Variants in PPM1H observed in about 807,000 individuals in gnomAD.
PPM1H encodes the protein protein phosphatase, Mg2+/Mn2+ dependent 1H.
Under a neutral mutation model 54.9 loss-of-function variants are expected in PPM1H, and 27 were observed. The observed-to-expected ratio is 0.49, with a 90% CI of 0.36 to 0.68. The LOEUF (loss-of-function observed/expected upper bound fraction) is 0.68. Among genes scored for constraint, PPM1H ranks in the 30% least tolerant of loss-of-function variants. PPM1H has a pLI of 0.00. For missense variants in PPM1H, 596 were observed against 667.8 expected (o/e 0.89, Z 1.19); for synonymous variants, 305 against 270.8 (o/e 1.13, Z -1.24).
chr12:62,894,647 T>C lies in PPM1H; in HGVS notation c.245+39845A>G, dbSNP rs530165635. On this transcript the variant is annotated intron_variant, in intron 1 of 9. Transcript: ENST00000228705. Reference sequence around the variant, plus strand: ...ACATAAAAGTATGCAGTCCTTAGCATAGCACTGGACAAATGGTAGGCATAC... The same window carrying C: ...ACATAAAAGTATGCAGTCCTTAGCACAGCACTGGACAAATGGTAGGCATAC... 4.5e-4 allele frequency among the ~76,000 whole-genome samples: 69 copies of C among 152,364 alleles called. No homozygotes were observed. The South Asian group carries it at 5.6e-3, about 12-fold the overall frequency.
intron 9 of PPM1H, among the ~76,000 whole-genome samples, chr12:62,664,063 A>G (rs750090885): frequency 1.5e-5 from 2 of 130,296 alleles, no homozygotes; most frequent in African/African-American, 6.0e-5. Flanking sequence ...CAAGTAACAC[A>G]AGTCAGCCCT....
chr12:62,732,611 A>C (rs1458274539), intron 5 of PPM1H, among the ~76,000 whole-genome samples: 1 of 148,060 alleles, frequency 6.8e-6, no homozygotes, highest in Non-Finnish European at 1.5e-5. Flanking sequence ...TCTCTCTGTC[A>C]CCCAGGCTGG....
intron 4 of PPM1H, among the ~76,000 whole-genome samples, chr12:62,765,576 AAAGAT>A (rs2076537707): frequency 6.6e-6 from 1 of 152,244 alleles, no homozygotes; most frequent in Non-Finnish European, 1.5e-5. Context: ...GAGAGAATAC[AAAGAT>A]AAGATTTGAT....
rs539150816 is a variant in PPM1H at position 62,710,532 on chromosome 12, C to T, written c.1073+9639G>A. ...GGGCAACAGAGTGGAGTGAGACTGTCTCTTTAAAAAAAAAAAAAAAAAAGT... is the reference window on the plus strand; with the variant it reads ...GGGCAACAGAGTGGAGTGAGACTGTTTCTTTAAAAAAAAAAAAAAAAAAGT... On this transcript the variant is annotated intron_variant, in intron 6 of 9. Transcript: ENST00000228705. Among the ~76,000 whole-genome samples the T allele has an allele frequency of 5.7e-4, 70 of 122,136 alleles. No homozygotes were observed. The East Asian group carries it at 0.018, about 31-fold the overall frequency. 80.1% of individuals were successfully genotyped at this position (122,136 alleles called of 152,430 possible). A position where few individuals can be genotyped will look rare whatever the true frequency, so the allele number is the denominator to read the frequency against.
Position 62,645,240 on chromosome 12 carries a change from T to G in PPM1H, c.*3249A>C, listed in dbSNP as rs1430651832. 1 of 152,230 alleles carries G rather than the reference T, an allele frequency of 6.6e-6. No homozygotes were observed. The highest frequency in any genetic ancestry group is 2.4e-5 in the African/African-American group (1 of 41,452). The allele number at this position is 152,230 out of a possible 1,614,324, so 9.4% of individuals were successfully genotyped here. On this transcript the variant is annotated 3_prime_UTR_variant, in exon 10 of 10. Transcript: ENST00000228705. ...TTGCCCACCACCATCTCCCTGTGGC[T>G]GTCATTCTTCCCTGGAAGTGAATGA...
intron 8 of PPM1H, among the ~76,000 whole-genome samples, chr12:62,684,600 A>T (rs2076041301): frequency 6.6e-6 from 1 of 152,176 alleles, no homozygotes; most frequent in African/African-American, 2.4e-5. Flanking sequence ...TTTTCTCAGA[A>T]TTCAAACACA....
chr12:62,751,485 A>G (rs971339928), intron 4 of PPM1H, among the ~76,000 whole-genome samples: 3 of 152,236 alleles, frequency 2.0e-5, no homozygotes, highest in African/African-American at 7.2e-5. Flanking sequence ...TCATGCTCAG[A>G]GTGAAACAGA....
chr12:62,909,830 C>A (rs1305835158), intron 1 of PPM1H, among the ~76,000 whole-genome samples: 1 of 152,160 alleles, frequency 6.6e-6, no homozygotes, highest in Admixed American at 6.6e-5. Context: ...CACCTTCGCA[C>A]GTGGCAGTGA....
In PPM1H at chr12:62,934,390, G is replaced by C. The variant is rs1034686309; in HGVS notation, c.245+102C>G. On this transcript the variant is annotated intron_variant, in intron 1 of 9. Transcript: ENST00000228705. This position sits in a 1 kb window ranked among gnomAD's most constrained non-coding sequence, Gnocchi z 4.2. ...GCCGAGGCCTGGACGCCGGCAGCTA[G>C]TGAGAGCCCTGAGGCCGAGAAGCAG... 20 of 1,376,240 alleles carry C rather than the reference G, an allele frequency of 1.5e-5. No homozygotes were observed. In the Admixed American group the frequency reaches 4.9e-4, roughly 34 times the overall value. The allele number at this position is 1,376,240 out of a possible 1,614,324, so 85.3% of individuals were successfully genotyped here.
At chr12:62,759,110 T>C (rs2704755) in intron 4 of PPM1H, among the ~76,000 whole-genome samples, 122,632 of 152,224 alleles carry the variant, frequency 0.81, 49,819 homozygotes, top group African/African-American at 0.92. Context: ...ACTCTCTTTT[T>C]GGACTCAGCC....
chr12:62,792,060 C>T (rs996284475), intron 3 of PPM1H, among the ~76,000 whole-genome samples: 8 of 152,202 alleles, frequency 5.3e-5, no homozygotes, highest in Non-Finnish European at 7.3e-5. Context: ...AAAAAGTCCA[C>T]GTAACAGGGC....
At chr12:62,703,878 C>T (rs1426426942) in intron 6 of PPM1H, among the ~76,000 whole-genome samples, 1 of 152,024 alleles carries the variant, frequency 6.6e-6, no homozygotes, top group Non-Finnish European at 1.5e-5. Context: ...AGTCTAACCA[C>T]AGTGCTCAGT....
At chr12:62,829,164 A>G (rs912378036) in intron 2 of PPM1H, among the ~76,000 whole-genome samples, 3 of 152,266 alleles carry the variant, frequency 2.0e-5, no homozygotes, top group African/African-American at 7.2e-5. Flanking sequence ...TCACGACAGC[A>G]TTATTCAGAA....
intron 8 of PPM1H, among the ~76,000 whole-genome samples, chr12:62,669,364 G>A (rs2075940626): frequency 6.6e-6 from 1 of 152,218 alleles, no homozygotes; most frequent in African/African-American, 2.4e-5. Flanking sequence ...GTGCACAGAA[G>A]TCAGCTAGGG....
At chr12:62,901,062 G>A (rs904899482) in intron 1 of PPM1H, among the ~76,000 whole-genome samples, 7 of 152,254 alleles carry the variant, frequency 4.6e-5, no homozygotes, top group African/African-American at 7.2e-5. Context: ...AGAGTCATCC[G>A]CCTCTATTTC....
At chr12:62,699,853 C>A (rs941068649) in intron 6 of PPM1H, among the ~76,000 whole-genome samples, 2 of 152,192 alleles carry the variant, frequency 1.3e-5, no homozygotes, top group African/African-American at 4.8e-5. Flanking sequence ...GGAACCTTAC[C>A]CAACAAGAAC....
At chr12:62,691,011 T>C (rs2076079652) in intron 7 of PPM1H, among the ~76,000 whole-genome samples, 1 of 151,892 alleles carries the variant, frequency 6.6e-6, no homozygotes, top group African/African-American at 2.4e-5. Flanking sequence ...AAAAGAAACT[T>C]GGTAAGGGAG....
In PPM1H at chr12:62,802,076, G is replaced by C. The variant is rs1565792860; in HGVS notation, c.496C>G (p.Leu166Val). 1.9e-6 allele frequency: 3 copies of C among 1,612,658 alleles called. No homozygotes were observed. Among genetic ancestry groups the C allele is most frequent in the Non-Finnish European group, 2.5e-6 (3 of 1,179,416 alleles). ...SGAAVVASRL[L>V]QHHITEQLQD... Reference sequence around the variant, plus strand: ...AGCTGCTCCGTGATGTGGTGCTGCAGCAGGCGTGACGCCACCACCGCGGCC... The same window carrying C: ...AGCTGCTCCGTGATGTGGTGCTGCACCAGGCGTGACGCCACCACCGCGGCC... Residue 166 changes from leucine to valine, a missense_variant, in exon 3 of 10, where the codon CTG (leucine) becomes GTG (valine). Physicochemically the swap from Leu to Val is conservative, Grantham distance 32. Around this residue, in one of 3 missense-constraint regions of PPM1H, gnomAD observed 382 missense variants for 387.1 expected, o/e 0.99. Coordinates refer to ENST00000228705, the MANE Select transcript of PPM1H (RefSeq NM_020700.2).
intron 4 of PPM1H, among the ~76,000 whole-genome samples, chr12:62,743,172 G>A (rs1259622127): frequency 6.6e-6 from 1 of 152,120 alleles, no homozygotes; most frequent in African/African-American, 2.4e-5. Flanking sequence ...CCAACATGGT[G>A]AAACCCCATC....
Sources: allele counts gnomAD v4.1 joint callset (sites outside exome capture counted in the v4.1 genomes callset), GRCh38; gene constraint gnomAD v4.1.1; regional missense constraint gnomAD v4.1.1; non-coding constraint Gnocchi (gnomAD v3.1); transcripts MANE v1.5; gene names NCBI Gene and HGNC (gene_info 2026-07-23, HGNC 2026-07-21).